The following TSNARE1 variants were observed in gnomAD, a reference collection of about 807,000 sequenced individuals.
TSNARE1 encodes t-SNARE domain-containing protein 1.
Under a neutral mutation model 62.0 loss-of-function variants are expected in TSNARE1, and 49 were observed. The ratio of observed to expected loss-of-function variants is 0.79; its 90% confidence interval spans 0.63 to 1.00. The LOEUF (loss-of-function observed/expected upper bound fraction) is 1.00. Ranked by LOEUF, TSNARE1 falls within the 50% of genes least tolerant of loss-of-function variation. TSNARE1 has a pLI of 0.00. For synonymous variants in TSNARE1, 328 were observed against 294.4 expected (o/e 1.11, Z -1.17); for missense variants, 755 against 700.1 (o/e 1.08, Z -0.88).
chr8:142,330,356 G>A (rs1830834973), intron 6 of TSNARE1, among the ~76,000 whole-genome samples: 1 of 152,260 alleles, frequency 6.6e-6, no homozygotes, highest in Admixed American at 6.5e-5. Context: ...CCCCATCCCA[G>A]ACCAGCCCAA....
chr8:142,247,009 G>T (rs1748704767), intron 12 of TSNARE1, among the ~76,000 whole-genome samples: 1 of 152,190 alleles, frequency 6.6e-6, no homozygotes, highest in African/African-American at 2.4e-5. Context: ...CCTGCCAGGT[G>T]CTGCGACCAG....
At chr8:142,405,740 G>C (rs1423706314), upstream of TSNARE1, 1 of 118,502 alleles carries the variant, frequency 8.4e-6, no homozygotes, top group African/African-American at 3.3e-5. Flanking sequence ...AATGTCACCT[G>C]CTCAGGAGAC....
intron 13 of TSNARE1, among the ~76,000 whole-genome samples, chr8:142,221,338 A>G (rs1816201051): frequency 6.6e-6 from 1 of 152,246 alleles, no homozygotes; most frequent in South Asian, 2.1e-4. Flanking sequence ...ACGCAGGCAC[A>G]TAACACAAAG....
chr8:142,298,547 G>C (rs945126514), intron 10 of TSNARE1, among the ~76,000 whole-genome samples: 4 of 152,184 alleles, frequency 2.6e-5, no homozygotes, highest in Non-Finnish European at 5.9e-5. Context: ...GTGAGCGCCA[G>C]GAGGCTGGAG....
intron 2 of TSNARE1, among the ~76,000 whole-genome samples, chr8:142,354,261 C>T (rs1045284005): frequency 2.6e-5 from 4 of 152,146 alleles, no homozygotes; most frequent in African/African-American, 9.7e-5. Flanking sequence ...CAGCTTCCTC[C>T]TCTGTACAGA....
chr8:142,304,711 G>C (rs1190801320), intron 9 of TSNARE1, among the ~76,000 whole-genome samples: 1 of 152,240 alleles, frequency 6.6e-6, no homozygotes, highest in East Asian at 1.9e-4. Context: ...GCTGAGGCAT[G>C]CAAGGCTGCA....
At position 142,283,029 on chromosome 8, in the gene TSNARE1, G is replaced by A. The variant is rs553023356; in HGVS notation, c.1363+1384C>T. 3.9e-3 allele frequency among the ~76,000 whole-genome samples: 570 copies of A among 146,674 alleles called. 4 individuals carry two copies. The highest frequency in any genetic ancestry group is 0.014 in the African/African-American group (535 of 37,344). The stretch of plus-strand genomic sequence containing the variant: ...ATGAGCAGAGGCGGGGTCAGTGTCT[G>A]CCAATGAGCAGAGGCGGGACCAGTG... On this transcript the variant is annotated intron_variant, in intron 11 of 13. Transcript: ENST00000524325.
chr8:142,374,421 G>A (rs567483318), intron 1 of TSNARE1, among the ~76,000 whole-genome samples: 3 of 152,112 alleles, frequency 2.0e-5, no homozygotes, highest in Non-Finnish European at 4.4e-5. Flanking sequence ...GCTCACGCCT[G>A]TAATCCCAGC....
intron 7 of TSNARE1, among the ~76,000 whole-genome samples, chr8:142,317,307 C>T (rs1377120104): frequency 1.6e-5 from 2 of 128,678 alleles, no homozygotes; most frequent in African/African-American, 5.8e-5. Flanking sequence ...GTATGGCCAG[C>T]GGCTCACACT....
rs979290729 is a variant in TSNARE1 at position 142,272,958 on chromosome 8, C to T, written c.1446+1823G>A. The T allele has an allele frequency of 9.1e-6, 9 of 985,366 alleles. No homozygotes were observed. In the African/African-American group the frequency reaches 1.4e-4, roughly 15 times the overall value. The allele number at this position is 985,366 out of a possible 1,614,324, so 61.0% of individuals were successfully genotyped here. A position where few individuals can be genotyped will look rare whatever the true frequency, so the allele number is the denominator to read the frequency against. On this transcript the variant is annotated intron_variant, in intron 12 of 13. Coordinates refer to ENST00000524325, the MANE Select transcript of TSNARE1 (RefSeq NM_145003.5). ...AGGCAACTTCACAGATGCCTCATCC[C>T]TCCCTGATACTCCCTGGTGGACCCC...
chr8:142,330,555 T>C (rs953180202), intron 6 of TSNARE1, among the ~76,000 whole-genome samples: 3 of 152,216 alleles, frequency 2.0e-5, no homozygotes, highest in Non-Finnish European at 2.9e-5. Context: ...CCTTCAGACA[T>C]GACAAAGACA....
chr8:142,384,461 G>T (rs886536732), intron 1 of TSNARE1, among the ~76,000 whole-genome samples: 3 of 152,198 alleles, frequency 2.0e-5, no homozygotes, highest in African/African-American at 7.2e-5. Context: ...AAACAGTATG[G>T]TAGGGCATGA....
At chr8:142,325,465 G>T (rs894440556) in intron 6 of TSNARE1, among the ~76,000 whole-genome samples, 1 of 152,212 alleles carries the variant, frequency 6.6e-6, no homozygotes, top group Non-Finnish European at 1.5e-5. Context: ...AGGAGCCCAG[G>T]GGCCAAGGCC....
chr8:142,349,539 C>A (rs1224426615), intron 2 of TSNARE1, among the ~76,000 whole-genome samples: 1 of 152,112 alleles, frequency 6.6e-6, no homozygotes, highest in Non-Finnish European at 1.5e-5. Context: ...CAATTTAAAA[C>A]TCGCACGCAC....
At chr8:142,221,916 T>C (rs866713648) in intron 13 of TSNARE1, among the ~76,000 whole-genome samples, 3 of 68,668 alleles carry the variant, frequency 4.4e-5, no homozygotes, top group Non-Finnish European at 9.7e-5. Flanking sequence ...CACTCACTCA[T>C]TCACTCACTC....
chr8:142,248,183 C>T (rs1037119256), intron 12 of TSNARE1, among the ~76,000 whole-genome samples: 7 of 152,142 alleles, frequency 4.6e-5, no homozygotes, highest in African/African-American at 9.7e-5. Flanking sequence ...AGACCCTGCC[C>T]GGACAAGATG....
chr8:142,282,408 G>A (rs935240127), intron 11 of TSNARE1, among the ~76,000 whole-genome samples: 4 of 151,806 alleles, frequency 2.6e-5, no homozygotes, highest in African/African-American at 7.2e-5. Flanking sequence ...GATCAGGGTG[G>A]GGCCAGTGTC....
chr8:142,244,694 C>T (rs1371899752), intron 12 of TSNARE1, among the ~76,000 whole-genome samples: 3 of 152,224 alleles, frequency 2.0e-5, no homozygotes, highest in Non-Finnish European at 4.4e-5. Context: ...GAGGCCAGCC[C>T]AACCAGGTCT....
intron 2 of TSNARE1, among the ~76,000 whole-genome samples, chr8:142,348,912 G>T (rs56725986): frequency 6.6e-6 from 1 of 152,164 alleles, no homozygotes; most frequent in South Asian, 2.1e-4. Flanking sequence ...CTAAGGTGCT[G>T]CACAGTTAGG....
Sources: allele counts gnomAD v4.1 joint callset (sites outside exome capture counted in the v4.1 genomes callset), GRCh38; gene constraint gnomAD v4.1.1; transcripts MANE v1.5; gene names NCBI Gene and HGNC (gene_info 2026-07-23, HGNC 2026-07-21).